The following PACRGL variants were observed in gnomAD, a reference collection of about 807,000 sequenced individuals.
PACRGL encodes parkin coregulated like, also known as PACRG-like protein.
Under a neutral mutation model 34.5 loss-of-function variants are expected in PACRGL, and 38 were observed. The observed-to-expected ratio is 1.10, with a 90% confidence interval of 0.85 to 1.44. The LOEUF (loss-of-function observed/expected upper bound fraction) is 1.44. PACRGL is among the 40% of genes most tolerant of loss of function. The pLI, the probability that PACRGL is intolerant of heterozygous loss-of-function variation, is 0.00. For synonymous variants in PACRGL, 128 were observed against 100.1 expected (o/e 1.28, Z -1.66); for missense variants, 305 against 281.4 (o/e 1.08, Z -0.60).
chr4:20,767,127 T>C, the PACRGL span: 1 of 152,186 alleles, frequency 6.6e-6, no homozygotes, highest in Non-Finnish European at 1.5e-5. Flanking sequence ...CACTGTAACA[T>C]CAATGCCGAT....
At chr4:20,706,917 C>T (rs1250512515) in intron 3 of PACRGL, among the ~76,000 whole-genome samples, 1 of 152,078 alleles carries the variant, frequency 6.6e-6, no homozygotes, top group African/African-American at 2.4e-5. Flanking sequence ...CGAATTTTCT[C>T]CTATGTGCTT....
chr4:20,756,624 T>C (rs1190788996), downstream of PACRGL, among the ~76,000 whole-genome samples: 2 of 151,874 alleles, frequency 1.3e-5, no homozygotes, highest in African/African-American at 4.8e-5. Context: ...TTTCACCCTC[T>C]GCAATTTGGC....
chr4:20,760,843 GAGCA>G, the PACRGL span, among the ~76,000 whole-genome samples: 1 of 151,988 alleles, frequency 6.6e-6, no homozygotes, highest in African/African-American at 2.4e-5. Context: ...AAAAACAAAT[GAGCA>G]AGCAAGCAAG....
chr4:20,734,023 C>T (rs1459636628), downstream of PACRGL, among the ~76,000 whole-genome samples: 2 of 152,226 alleles, frequency 1.3e-5, no homozygotes, highest in East Asian at 3.9e-4. Flanking sequence ...CATAGGCACA[C>T]TGAGAATGCC....
At chr4:20,705,751 C>T (rs191862872) in intron 3 of PACRGL, among the ~76,000 whole-genome samples, 2,342 of 151,492 alleles carry the variant, frequency 0.015, 28 homozygotes, top group South Asian at 0.038. Context: ...TAGTAAAAAT[C>T]GAGGAAAGTT....
Position 20,730,248 on chromosome 4 carries a change from C to T in PACRGL, c.*2907C>T. On this transcript the variant is annotated 3_prime_UTR_variant, in exon 9 of 9. Coordinates refer to ENST00000503585, the MANE Select transcript of PACRGL (RefSeq NM_001258345.3). ...ACCTCAACCACCTATGCCAAAAGCT[C>T]AAATATTAAGTGTTTGCAAATGTAA... is the stretch of plus-strand genomic sequence containing the variant. 7.8e-7 allele frequency: 1 copy of T among 1,279,036 alleles called. No individual in the cohort carries two copies. Among genetic ancestry groups the T allele is most frequent in the Non-Finnish European group, 1.0e-6 (1 of 953,738 alleles). The allele number at this position is 1,279,036 out of a possible 1,614,324, so 79.2% of individuals were successfully genotyped here.
chr4:20,697,595 T>A (rs1426624199), upstream of PACRGL, among the ~76,000 whole-genome samples: 3 of 152,212 alleles, frequency 2.0e-5, no homozygotes, highest in Non-Finnish European at 4.4e-5. Context: ...TGAGATTTTG[T>A]GCCTAGAACT....
intron 8 of PACRGL, among the ~76,000 whole-genome samples, chr4:20,741,348 G>A (rs1013069518): frequency 2.0e-4 from 31 of 152,156 alleles, no homozygotes; most frequent in Non-Finnish European, 7.4e-5. Flanking sequence ...AAATGTAAAA[G>A]AACAGAAATT....
At chr4:20,698,801 C>T (rs922902601), upstream of PACRGL, among the ~76,000 whole-genome samples, 9 of 152,176 alleles carry the variant, frequency 5.9e-5, no homozygotes, top group South Asian at 2.1e-4. Context: ...TTGCCACTTA[C>T]GATGTCCTCC....
intron 8 of PACRGL, among the ~76,000 whole-genome samples, chr4:20,747,423 A>G (rs905994606): frequency 1.3e-5 from 2 of 152,148 alleles, no homozygotes; most frequent in African/African-American, 2.4e-5. Context: ...ACTTGTTTCT[A>G]AAGTGAAGCA....
rs1746266735 is a variant in PACRGL at position 20,727,493 on chromosome 4, C to T, written c.*152C>T. ...TAGACACTGAATCAAAGTTATTCAT[C>T]AACAAAAAAGAACAGTTACTAATGG... On this transcript the variant is annotated 3_prime_UTR_variant, in exon 9 of 9. Transcript: ENST00000503585. 1 of 573,788 alleles carries T rather than the reference C, an allele frequency of 1.7e-6. No homozygotes were observed. Among genetic ancestry groups the T allele is most frequent in the Non-Finnish European group, 3.0e-6 (1 of 331,250 alleles). 35.5% of individuals were successfully genotyped at this position (573,788 alleles called of 1,614,324 possible). A position where few individuals can be genotyped will look rare whatever the true frequency, so the allele number is the denominator to read the frequency against.
downstream of PACRGL, among the ~76,000 whole-genome samples, chr4:20,735,815 G>A (rs981793076): frequency 1.9e-4 from 29 of 152,176 alleles, no homozygotes; most frequent in Admixed American, 4.6e-4. Context: ...GATTACAGGC[G>A]TGAGCCACCA....
intron 3 of PACRGL, 60 bp from the exon 4 acceptor site, chr4:20,707,743 G>T (rs1230793873): frequency 7.0e-7 from 1 of 1,429,240 alleles, no homozygotes; most frequent in Non-Finnish European, 9.9e-7. Context: ...AAGCAAAATG[G>T]CTGTGTGCTT....
At chr4:20,718,999 A>T (rs1465499178) in intron 7 of PACRGL, 3 of 152,154 alleles carry the variant, frequency 2.0e-5, no homozygotes, top group African/African-American at 7.2e-5. Flanking sequence ...CTATTGCCTC[A>T]ATTTCCGAGC....
intron 7 of PACRGL, chr4:20,716,277 A>G (rs540623627): frequency 3.1e-6 from 2 of 650,506 alleles, no homozygotes; most frequent in South Asian, 3.5e-5. Flanking sequence ...AGGGTCCATG[A>G]GAGACCAGTC....
intron 8 of PACRGL, among the ~76,000 whole-genome samples, chr4:20,741,723 G>A (rs1332787071): frequency 6.6e-6 from 1 of 152,190 alleles, no homozygotes; most frequent in Non-Finnish European, 1.5e-5. Flanking sequence ...TAAGAGCAGA[G>A]CAGAACTGAA....
At chr4:20,758,692 G>C in the PACRGL span, 1 of 709,902 alleles carries the variant, frequency 1.4e-6, no homozygotes, top group Non-Finnish European at 2.4e-6. Flanking sequence ...ATATACACTT[G>C]CATGCTGTGC....
chr4:20,765,252 C>CT, the PACRGL span, among the ~76,000 whole-genome samples: 1 of 152,146 alleles, frequency 6.6e-6, no homozygotes, highest in African/African-American at 2.4e-5. Flanking sequence ...GCAATGCTAT[C>CT]TTGCCTTCTG....
chr4:20,724,672 T>G (rs1578331719), intron 7 of PACRGL, 136 bp from the exon 8 acceptor site: 2 of 432,098 alleles, frequency 4.6e-6, no homozygotes, highest in East Asian at 7.0e-5. Context: ...CTTATACATG[T>G]AAATTTCAAT....
Sources: allele counts gnomAD v4.1 joint callset (sites outside exome capture counted in the v4.1 genomes callset), GRCh38; gene constraint gnomAD v4.1.1; transcripts MANE v1.5; gene names NCBI Gene and HGNC (gene_info 2026-07-23, HGNC 2026-07-21).